CPLANE1: variants seen among roughly 807,000 people sequenced by gnomAD.
CPLANE1 encodes the protein ciliogenesis and planar polarity effector complex subunit 1.
In CPLANE1, 263 loss-of-function variants were observed where a neutral mutation model predicts 362.5. That is an observed-to-expected ratio of 0.73 (90% CI 0.66 to 0.80). The LOEUF (loss-of-function observed/expected upper bound fraction) is 0.80. Among genes scored for constraint, CPLANE1 ranks in the 30% least tolerant of loss-of-function variants. The pLI is 0.00. For synonymous variants in CPLANE1, 1,212 were observed against 1,302.6 expected, an observed-to-expected ratio of 0.93 and a Z score of 1.50; for missense variants, 3,461 against 3,793.4, an observed-to-expected ratio of 0.91 and a Z score of 2.30.
In CPLANE1 at chr5:37,118,265, G is replaced by A. The variant is rs571911458; in HGVS notation, c.9310+1951C>T. On this transcript the variant is annotated intron_variant, in intron 50 of 52. Coordinates refer to ENST00000651892, the MANE Select transcript of CPLANE1 (RefSeq NM_001384732.1). Reference sequence around the variant, plus strand: ...GAACAAATAAACAAAAATTAGCTGGGCATGGTGGCACACGCCTATAATCAC... The same window carrying A: ...GAACAAATAAACAAAAATTAGCTGGACATGGTGGCACACGCCTATAATCAC... Among the ~76,000 whole-genome samples the A allele has an allele frequency of 2.2e-4, 34 of 152,084 alleles. No individual in the cohort carries two copies. The South Asian group carries it at 2.7e-3, about 12-fold the overall frequency.
intron 32 of CPLANE1, among the ~76,000 whole-genome samples, chr5:37,171,748 CT>C (rs1779850867): frequency 5.5e-5 from 1 of 18,324 alleles, no homozygotes; most frequent in Non-Finnish European, 9.3e-5. Flanking sequence ...CTAGCTTACT[CT>C]CTCTCTCTCT....
At chr5:37,177,783 G>T in intron 29 of CPLANE1, 83 bp from the exon 30 acceptor site, 1 of 1,029,100 alleles carries the variant, frequency 9.7e-7, no homozygotes, top group Non-Finnish European at 1.5e-6. Flanking sequence ...TCTCATATTA[G>T]CCACTTAACC....
At chr5:37,162,729 G>C in intron 37 of CPLANE1, 163 bp from the exon 38 acceptor site, 1 of 473,656 alleles carries the variant, frequency 2.1e-6, no homozygotes, top group Non-Finnish European at 3.7e-6. Context: ...GCCCAGGCTG[G>C]AGTGCAGTGG....
intron 8 of CPLANE1, among the ~76,000 whole-genome samples, chr5:37,237,237 T>C (rs972529536): frequency 1.3e-5 from 2 of 152,218 alleles, no homozygotes; most frequent in African/African-American, 2.4e-5. Flanking sequence ...GGTGTGTGTA[T>C]ATATATGTAT....
At chr5:37,136,097 G>T (rs1183481438) in intron 46 of CPLANE1, among the ~76,000 whole-genome samples, 1 of 152,024 alleles carries the variant, frequency 6.6e-6, no homozygotes, top group Non-Finnish European at 1.5e-5. Context: ...ACTCATTCTA[G>T]CATTAACTCA....
At position 37,145,949 on chromosome 5, in the gene CPLANE1, T is replaced by C. The variant is rs568061277; in HGVS notation, c.8461+2232A>G. 1.6e-4 allele frequency among the ~76,000 whole-genome samples: 25 copies of C among 152,310 alleles called. No homozygotes were observed. In the East Asian group the frequency reaches 4.6e-3, roughly 28 times the overall value. Reference sequence around the variant, plus strand: ...AACAGCCTGAAAGTAAAGGGATATCTAATTTACAAGAAATACAGAGGAGAA... The same window carrying C: ...AACAGCCTGAAAGTAAAGGGATATCCAATTTACAAGAAATACAGAGGAGAA... On this transcript the variant is annotated intron_variant, in intron 43 of 52. Transcript: ENST00000651892.
chr5:37,227,550 T>C lies in CPLANE1; in HGVS notation c.1371+18A>G, dbSNP rs967047605. 26 of 1,515,642 alleles carry C rather than the reference T, an allele frequency of 1.7e-5. No homozygotes were observed. Among genetic ancestry groups the C allele is most frequent in the Non-Finnish European group, 2.2e-5 (25 of 1,133,496 alleles). 93.9% of individuals were successfully genotyped at this position (1,515,642 alleles called of 1,614,324 possible). The stretch of plus-strand genomic sequence containing the variant: ...AGAAAAAGGCAACTTTCCCCAATGA[T>C]ATAAAAAAGCACTATACCTTAGACA... On this transcript the variant is annotated intron_variant, in intron 10 of 52. Transcript: ENST00000651892.
chr5:37,193,413 C>T (rs911210977), intron 21 of CPLANE1, among the ~76,000 whole-genome samples: 1 of 151,872 alleles, frequency 6.6e-6, no homozygotes, highest in Middle Eastern at 3.4e-3. Context: ...CCAGCACTTT[C>T]GGAGGCTGAG....
chr5:37,089,280 A>C, the CPLANE1 span, among the ~76,000 whole-genome samples: 1 of 152,172 alleles, frequency 6.6e-6, no homozygotes, highest in African/African-American at 2.4e-5. Context: ...ATGATTCAGA[A>C]GGAAGAAAGG....
At chr5:37,159,403 G>A (rs1254641819) in intron 38 of CPLANE1, among the ~76,000 whole-genome samples, 4 of 152,188 alleles carry the variant, frequency 2.6e-5, no homozygotes, top group Admixed American at 6.5e-5. Context: ...GAGCCACCGC[G>A]CCCGGCCTAA....
intron 27 of CPLANE1, 97 bp downstream of exon 27, chr5:37,180,760 T>C: frequency 8.5e-7 from 1 of 1,179,718 alleles, no homozygotes; most frequent in Non-Finnish European, 1.2e-6. Flanking sequence ...AAAATGCTCA[T>C]TCCTTTAACT....
intron 8 of CPLANE1, among the ~76,000 whole-genome samples, chr5:37,237,240 A>G (rs1490962456): frequency 1.3e-5 from 2 of 152,252 alleles, no homozygotes; most frequent in Non-Finnish European, 2.9e-5. Flanking sequence ...GTGTGTATAT[A>G]TATGTATCAT....
At chr5:37,190,759 A>T (rs1785309046) in intron 21 of CPLANE1, among the ~76,000 whole-genome samples, 2 of 152,172 alleles carry the variant, frequency 1.3e-5, no homozygotes, top group South Asian at 2.1e-4. Context: ...GAGCTGAAAA[A>T]TTTCTGTCAC....
At chr5:37,105,433 CTGTTCAA>C (rs1757520343), downstream of CPLANE1, among the ~76,000 whole-genome samples, 1 of 152,212 alleles carries the variant, frequency 6.6e-6, no homozygotes, top group African/African-American at 2.4e-5. Context: ...GGATACTCTC[CTGTTCAA>C]TAAATGCTGC....
chr5:37,109,730 C>T (rs541663640), intron 51 of CPLANE1, among the ~76,000 whole-genome samples: 3 of 152,302 alleles, frequency 2.0e-5, no homozygotes, highest in Admixed American at 6.5e-5. Context: ...AATTTCGGTT[C>T]GCTGCAACCT....
downstream of CPLANE1, among the ~76,000 whole-genome samples, chr5:37,103,647 A>C (rs758246644): frequency 6.6e-6 from 1 of 152,204 alleles, no homozygotes; most frequent in Non-Finnish European, 1.5e-5. Context: ...GCCGGATATG[A>C]AATTCTGGGT....
intron 16 of CPLANE1, chr5:37,210,681 C>A: frequency 6.4e-7 from 1 of 1,556,314 alleles, no homozygotes; most frequent in Non-Finnish European, 8.9e-7. Flanking sequence ...CTATTCACTA[C>A]TAAAAGAAGA....
chr5:37,140,588 T>C (rs899011757), intron 44 of CPLANE1: 2 of 985,310 alleles, frequency 2.0e-6, no homozygotes, highest in African/African-American at 3.5e-5. Flanking sequence ...TTTCTATCAG[T>C]ATTTGAGAGG....
At chr5:37,085,273 G>A in the CPLANE1 span, 4 of 899,278 alleles carry the variant, frequency 4.4e-6, no homozygotes, top group African/African-American at 1.6e-5. Context: ...AAGGTTGATG[G>A]CAAGGTACGA....
Sources: gnomAD v4.1 joint callset for allele counts (sites outside exome capture counted in the v4.1 genomes callset) on GRCh38, gnomAD v4.1.1 for gene constraint, MANE v1.5 for transcripts, NCBI Gene and HGNC (gene_info 2026-07-23, HGNC 2026-07-21) for gene names.